PDE4B: variants seen among roughly 807,000 people sequenced by gnomAD.
PDE4B encodes the protein 3',5'-cyclic-AMP phosphodiesterase 4B.
A neutral mutation model predicts 82.2 loss-of-function variants in PDE4B; 20 were observed. The ratio of observed to expected loss-of-function variants is 0.24; its 90% CI spans 0.17 to 0.35. The LOEUF (loss-of-function observed/expected upper bound fraction) is 0.35. Ranked by LOEUF, PDE4B falls within the 10% of genes least tolerant of loss-of-function variation. The probability of loss-of-function intolerance (pLI) is 1.00; values close to 1 mark genes in which losing one functional copy is unlikely to be tolerated. For synonymous variants in PDE4B, 320 were observed against 318.9 expected, an observed-to-expected ratio of 1.00 and a Z score of -0.04; for missense variants, 655 against 907.2, an observed-to-expected ratio of 0.72 and a Z score of 3.57.
At chr1:66,173,705 T>G (rs151014461) in intron 3 of PDE4B, among the ~76,000 whole-genome samples, 136 of 152,326 alleles carry the variant, frequency 8.9e-4, no homozygotes, top group African/African-American at 3.1e-3. Flanking sequence ...GATTTATCTG[T>G]TTTTATGTAA....
At chr1:66,272,031 A>G (rs1655523105) in intron 7 of PDE4B, among the ~76,000 whole-genome samples, 1 of 152,178 alleles carries the variant, frequency 6.6e-6, no homozygotes, top group South Asian at 2.1e-4. Flanking sequence ...AGGGTGGAGG[A>G]GGAAGCTGGG....
chr1:66,179,530 A>G (rs1475998922), intron 3 of PDE4B, among the ~76,000 whole-genome samples: 3 of 152,218 alleles, frequency 2.0e-5, no homozygotes, highest in Non-Finnish European at 4.4e-5. Flanking sequence ...AAAGTATATC[A>G]TAATAAATAC....
intron 7 of PDE4B, chr1:66,266,960 G>T (rs900011358): frequency 2.8e-5 from 6 of 211,294 alleles, no homozygotes; most frequent in Admixed American, 1.1e-4. Context: ...ATTTCCAGCA[G>T]CGCTTCATAC....
At chr1:65,939,921 G>A (rs1648352440) in intron 3 of PDE4B, among the ~76,000 whole-genome samples, 1 of 152,100 alleles carries the variant, frequency 6.6e-6, no homozygotes, top group South Asian at 2.1e-4. Context: ...TACTAATCCT[G>A]TATTAAGAAT....
intron 1 of PDE4B, among the ~76,000 whole-genome samples, chr1:65,813,882 A>AG (rs1310671885): frequency 7.9e-5 from 10 of 126,814 alleles, no homozygotes; most frequent in Middle Eastern, 3.7e-3. Flanking sequence ...AATAGGCAGT[A>AG]GGCACTGCGG....
At chr1:66,293,022 C>A (rs1179694245) in intron 7 of PDE4B, among the ~76,000 whole-genome samples, 2 of 152,132 alleles carry the variant, frequency 1.3e-5, no homozygotes, top group Admixed American at 1.3e-4. Context: ...CATTATAACC[C>A]ATTTGGGGAT....
At chr1:65,925,869 A>G (rs957198340) in intron 3 of PDE4B, among the ~76,000 whole-genome samples, 3 of 152,080 alleles carry the variant, frequency 2.0e-5, no homozygotes, top group African/African-American at 7.2e-5. Flanking sequence ...ACATGATCAT[A>G]ATCTGTTAAG....
chr1:66,219,948 A>G (rs375439957), intron 3 of PDE4B, among the ~76,000 whole-genome samples: 19 of 152,144 alleles, frequency 1.2e-4, no homozygotes, highest in East Asian at 7.7e-4. Context: ...CCAGTTTATT[A>G]TTTTTATGAT....
rs113499091 is a variant in PDE4B, at chr1:66,063,411, G to A, written c.281+144576G>A. ...TGGGTGCTGGGCTCTGGTATTTTTTGACAGCTCCCCAGGTAATTCTAATGT... is the reference window on the plus strand; with the variant it reads ...TGGGTGCTGGGCTCTGGTATTTTTTAACAGCTCCCCAGGTAATTCTAATGT... On this transcript the variant is annotated intron_variant, in intron 3 of 16. Transcript: ENST00000341517. Among the ~76,000 whole-genome samples the A allele has an allele frequency of 1.2e-4, 19 of 152,052 alleles. 1 individual carries two copies. Among genetic ancestry groups the A allele is most frequent in the African/African-American group, 4.3e-4 (18 of 41,536 alleles).
At chr1:66,329,890 A>G (rs914804914) in intron 7 of PDE4B, among the ~76,000 whole-genome samples, 5 of 152,210 alleles carry the variant, frequency 3.3e-5, no homozygotes, top group African/African-American at 1.2e-4. Context: ...GTGCCCAGGT[A>G]TTTGTAGGAT....
At chr1:65,810,559 A>C (rs1165656041) in intron 1 of PDE4B, among the ~76,000 whole-genome samples, 1 of 152,010 alleles carries the variant, frequency 6.6e-6, no homozygotes, top group Admixed American at 6.6e-5. Flanking sequence ...ATTTATTGAG[A>C]GTTTCAGTAT....
intron 3 of PDE4B, among the ~76,000 whole-genome samples, chr1:65,983,647 C>T (rs930253131): frequency 2.0e-5 from 3 of 152,114 alleles, no homozygotes; most frequent in African/African-American, 4.8e-5. Flanking sequence ...CTATAAGCCA[C>T]GGAGAAAGGC....
intron 3 of PDE4B, among the ~76,000 whole-genome samples, chr1:66,227,148 C>T (rs1235460612): frequency 1.3e-5 from 2 of 152,140 alleles, no homozygotes; most frequent in African/African-American, 2.4e-5. Flanking sequence ...TCTGTTTCGG[C>T]CATGTGGCGT....
At chr1:66,142,740 C>T (rs1005092025) in intron 3 of PDE4B, among the ~76,000 whole-genome samples, 3 of 152,160 alleles carry the variant, frequency 2.0e-5, no homozygotes, top group African/African-American at 7.2e-5. Flanking sequence ...ATTATGTTCT[C>T]ATTTAATAAT....
At chr1:65,901,023 T>G (rs908962551) in intron 1 of PDE4B, among the ~76,000 whole-genome samples, 2 of 152,140 alleles carry the variant, frequency 1.3e-5, no homozygotes, top group African/African-American at 4.8e-5. Flanking sequence ...GGAATCCTTG[T>G]CTTGCTTCTG....
intron 3 of PDE4B, among the ~76,000 whole-genome samples, chr1:66,107,536 C>A (rs1403683900): frequency 1.3e-5 from 2 of 151,796 alleles, no homozygotes; most frequent in Non-Finnish European, 2.9e-5. Flanking sequence ...AAAAAACCTG[C>A]CTTCCCATGA....
At position 65,866,919 on chromosome 1, in the gene PDE4B, A is replaced by G. The variant is rs568910464; in HGVS notation, c.-70-46326A>G. Among the ~76,000 whole-genome samples, 6 of 152,374 alleles carry G rather than the reference A, an allele frequency of 3.9e-5. No individual in the cohort carries two copies. The East Asian group carries it at 1.2e-3, about 29-fold the overall frequency. On this transcript the variant is annotated intron_variant, in intron 1 of 16. Coordinates refer to ENST00000341517, the MANE Select transcript of PDE4B (RefSeq NM_002600.4). Reference sequence around the variant, plus strand: ...GTAAGAAAAGTTAGAAAACGTGAATATAACTGAGTGTTTGCTTTATTAATC... The same window carrying G: ...GTAAGAAAAGTTAGAAAACGTGAATGTAACTGAGTGTTTGCTTTATTAATC...
intron 3 of PDE4B, among the ~76,000 whole-genome samples, chr1:66,130,597 T>A (rs1472118997): frequency 1.3e-5 from 2 of 152,200 alleles, no homozygotes; most frequent in Non-Finnish European, 2.9e-5. Flanking sequence ...AGATATGTGC[T>A]CTCAACCAAA....
chr1:66,300,303 A>G (rs1007881410), intron 7 of PDE4B, among the ~76,000 whole-genome samples: 2 of 152,144 alleles, frequency 1.3e-5, no homozygotes, highest in Non-Finnish European at 2.9e-5. Flanking sequence ...CAGGACTCAC[A>G]CTGCATTCCT....
Sources: gnomAD v4.1 joint callset for allele counts (sites outside exome capture counted in the v4.1 genomes callset) on GRCh38, gnomAD v4.1.1 for gene constraint, MANE v1.5 for transcripts, NCBI Gene and HGNC (gene_info 2026-07-23, HGNC 2026-07-21) for gene names.